The following SSBP2 variants were observed in gnomAD, a reference collection of about 807,000 sequenced individuals.
SSBP2 encodes the protein single stranded DNA binding protein 2.
In SSBP2, 17 loss-of-function variants were observed where a neutral mutation model predicts 61.8. The ratio of observed to expected loss-of-function variants is 0.28; its 90% CI spans 0.19 to 0.41. The LOEUF is 0.41. Among genes scored for constraint, SSBP2 ranks in the 10% least tolerant of loss-of-function variants. The pLI is 1.00. For synonymous variants in SSBP2, 139 were observed against 141.3 expected, an observed-to-expected ratio of 0.98 and a Z score of 0.12; for missense variants, 310 against 458.7, an observed-to-expected ratio of 0.68 and a Z score of 2.96.
chr5:81,486,302 T>C (rs1766376826), intron 6 of SSBP2, among the ~76,000 whole-genome samples: 1 of 152,212 alleles, frequency 6.6e-6, no homozygotes, highest in Non-Finnish European at 1.5e-5. Flanking sequence ...CAATTTTACA[T>C]TCCCACCACC....
At chr5:81,736,625 T>C (rs1756643687) in intron 1 of SSBP2, among the ~76,000 whole-genome samples, 1 of 152,222 alleles carries the variant, frequency 6.6e-6, no homozygotes, top group African/African-American at 2.4e-5. Flanking sequence ...TTTTTGCTTA[T>C]CTGTATCTCT....
intron 4 of SSBP2, among the ~76,000 whole-genome samples, chr5:81,541,954 A>G (rs1188371949): frequency 1.3e-5 from 2 of 152,252 alleles, no homozygotes; most frequent in Non-Finnish European, 2.9e-5. Context: ...TCTGCAAAGC[A>G]AAGAAACTAT....
chr5:81,579,798 G>A (rs1774506433), intron 4 of SSBP2, among the ~76,000 whole-genome samples: 1 of 152,088 alleles, frequency 6.6e-6, no homozygotes, highest in Non-Finnish European at 1.5e-5. Context: ...ACTTTTGCCA[G>A]TTCCTGTCTG....
At chr5:81,714,707 G>C (rs1229482879) in intron 1 of SSBP2, among the ~76,000 whole-genome samples, 1 of 152,176 alleles carries the variant, frequency 6.6e-6, no homozygotes, top group Non-Finnish European at 1.5e-5. Context: ...CTTTTGAGAA[G>C]TGTCTGTTCA....
At chr5:81,563,932 G>A (rs544674137) in intron 4 of SSBP2, among the ~76,000 whole-genome samples, 14 of 152,260 alleles carry the variant, frequency 9.2e-5, no homozygotes, top group Non-Finnish European at 1.9e-4. Flanking sequence ...CAATCAGTGG[G>A]TGTAAAGGCA....
chr5:81,568,620 T>C (rs1388717374), intron 4 of SSBP2, among the ~76,000 whole-genome samples: 1 of 152,210 alleles, frequency 6.6e-6, no homozygotes, highest in Non-Finnish European at 1.5e-5. Context: ...GAAGGAAGAA[T>C]ACATGAAATA....
At chr5:81,654,546 T>C (rs1420171476) in intron 1 of SSBP2, among the ~76,000 whole-genome samples, 1 of 152,214 alleles carries the variant, frequency 6.6e-6, no homozygotes, top group African/African-American at 2.4e-5. Flanking sequence ...TTGCCACTCC[T>C]TTCTTTCCTC....
intron 4 of SSBP2, among the ~76,000 whole-genome samples, chr5:81,544,531 G>C (rs1363952337): frequency 6.6e-6 from 1 of 152,116 alleles, no homozygotes; most frequent in Admixed American, 6.5e-5. Context: ...TGGAGAAATA[G>C]TACAACTCAT....
chr5:81,585,821 C>T (rs1465951207), intron 4 of SSBP2, among the ~76,000 whole-genome samples: 2 of 152,122 alleles, frequency 1.3e-5, no homozygotes, highest in African/African-American at 2.4e-5. Flanking sequence ...TATCCCTCCC[C>T]ACCAGCCTCT....
At chr5:81,578,090 A>G (rs1421954756) in intron 4 of SSBP2, among the ~76,000 whole-genome samples, 1 of 152,100 alleles carries the variant, frequency 6.6e-6, no homozygotes, top group Non-Finnish European at 1.5e-5. Context: ...AGGTAGATAG[A>G]GCAAAAGCAC....
chr5:81,467,117 A>C, intron 8 of SSBP2, 52 bp from the exon 9 acceptor site: 1 of 1,220,156 alleles, frequency 8.2e-7, no homozygotes, highest in Non-Finnish European at 1.2e-6. Context: ...AAGAAAGGAG[A>C]GCACGTTAAT....
At chr5:81,647,576 G>A (rs1192504249) in intron 2 of SSBP2, among the ~76,000 whole-genome samples, 1 of 152,016 alleles carries the variant, frequency 6.6e-6, no homozygotes, top group Non-Finnish European at 1.5e-5. Context: ...AGATAGTGAA[G>A]AATAGTTCTG....
At chr5:81,527,524 C>T (rs1436297061) in intron 4 of SSBP2, among the ~76,000 whole-genome samples, 1 of 151,962 alleles carries the variant, frequency 6.6e-6, no homozygotes, top group East Asian at 1.9e-4. Flanking sequence ...GAGTGAAAGA[C>T]AGGCATGGGA....
rs539901237 is a variant in SSBP2 at position 81,716,786 on chromosome 5, T to C, written c.62+34195A>G. On this transcript the variant is annotated intron_variant, in intron 1 of 16. Coordinates refer to ENST00000320672, the MANE Select transcript of SSBP2 (RefSeq NM_012446.5). ...ACATAATGCCTTATTGTAAGTACAC[T>C]GCTATTATGAAGTTTAGTATAAAGT... Among the ~76,000 whole-genome samples the C allele has an allele frequency of 4.6e-5, 7 of 152,294 alleles. No individual in the cohort carries two copies. In the East Asian group the frequency reaches 1.2e-3, roughly 25 times the overall value.
chr5:81,750,821 T>C, intron 1 of SSBP2, 160 bp downstream of exon 1: 2 of 792,520 alleles, frequency 2.5e-6, no homozygotes, highest in Non-Finnish European at 4.0e-6. Flanking sequence ...AAAGCGCAGC[T>C]CCCCGCACCA....
intron 6 of SSBP2, among the ~76,000 whole-genome samples, chr5:81,486,865 T>A (rs1349621486): frequency 6.6e-6 from 1 of 152,214 alleles, no homozygotes; most frequent in African/African-American, 2.4e-5. Flanking sequence ...TATCATGAGA[T>A]GACCCAGCAC....
intron 4 of SSBP2, among the ~76,000 whole-genome samples, chr5:81,531,998 G>C (rs1361890795): frequency 1.3e-5 from 2 of 152,062 alleles, no homozygotes; most frequent in Non-Finnish European, 2.9e-5. Context: ...GAGATATGAA[G>C]TTATCAGCTG....
intron 6 of SSBP2, among the ~76,000 whole-genome samples, chr5:81,488,709 C>A (rs1427668231): frequency 1.6e-5 from 2 of 127,160 alleles, no homozygotes; most frequent in Admixed American, 8.2e-5. Flanking sequence ...CCCCCTCCCC[C>A]CACCCCACAA....
At chr5:81,596,404 C>T (rs1287581028) in intron 4 of SSBP2, among the ~76,000 whole-genome samples, 2 of 125,648 alleles carry the variant, frequency 1.6e-5, no homozygotes, top group African/African-American at 6.3e-5. Flanking sequence ...ATGAAAATGG[C>T]CATACTGCCC....
Sources: allele counts gnomAD v4.1 joint callset (sites outside exome capture counted in the v4.1 genomes callset), GRCh38; gene constraint gnomAD v4.1.1; transcripts MANE v1.5; gene names NCBI Gene and HGNC (gene_info 2026-07-23, HGNC 2026-07-21).